RAB6A: variants seen among roughly 807,000 people sequenced by gnomAD.
The protein encoded by RAB6A is RAB6A, member RAS oncogene family, also known as ras-related protein Rab-6A.
Under a neutral mutation model 32.3 loss-of-function variants are expected in RAB6A, and 8 were observed. That is an observed-to-expected ratio of 0.25 (90% CI 0.15 to 0.45). The LOEUF (loss-of-function observed/expected upper bound fraction) is 0.45. RAB6A is among the 20% of genes least tolerant of loss of function. The pLI, the probability that RAB6A is intolerant of heterozygous loss-of-function variation, is 1.00. For synonymous variants in RAB6A, 73 were observed against 82.1 expected (o/e 0.89, Z 0.60); for missense variants, 104 against 249.4 (o/e 0.42, Z 3.93).
chr11:73,744,511 CAAAAAAAAAAAAAAAAAAA>C lies in RAB6A; in HGVS notation c.71-13707_71-13689del, dbSNP rs555388622. On this transcript the variant is annotated intron_variant, in intron 1 of 7. Coordinates refer to ENST00000336083, the MANE Select transcript of RAB6A (RefSeq NM_198896.2). ...GGGCAACAGAGTGAGACCCTGTCTCCAAAAAAAAAAAAAAAAAAAAAAAAAAAAAAAAAAAAGAATTTTA... is the reference window on the plus strand; with the variant it reads ...GGGCAACAGAGTGAGACCCTGTCTCCAAAAAAAAAAAAAAAAAGAATTTTA... Among the ~76,000 whole-genome samples the C allele has an allele frequency of 9.7e-4, 62 of 63,746 alleles. 1 individual carries two copies. The highest frequency in any genetic ancestry group is 1.4e-3 in the African/African-American group (19 of 13,732). The allele number at this position is 63,746 out of a possible 152,430, so 41.8% of individuals were successfully genotyped here.
At chr11:73,746,274 C>G (rs1338873202) in intron 1 of RAB6A, among the ~76,000 whole-genome samples, 1 of 152,008 alleles carries the variant, frequency 6.6e-6, no homozygotes, top group Non-Finnish European at 1.5e-5. Flanking sequence ...ATCAATTTTT[C>G]TCATTCAAGC....
intron 1 of RAB6A, among the ~76,000 whole-genome samples, chr11:73,758,700 T>G (rs1013925913): frequency 6.6e-5 from 10 of 152,220 alleles, no homozygotes; most frequent in African/African-American, 2.4e-4. Context: ...GGAAGATGAA[T>G]AGGTTTTTTC....
chr11:73,722,307 A>ATGTGTGTGTGTG (rs1231102849), intron 2 of RAB6A: 2,417 of 62,336 alleles, frequency 0.039, 149 homozygotes, highest in Non-Finnish European at 0.061. Flanking sequence ...GTGTGTGTGT[A>ATGTGTGTGTGTG]TATATATATA....
At position 73,677,348 on chromosome 11, in the gene RAB6A, C is replaced by A; in HGVS notation, c.*550G>T. 1 of 171,176 alleles carries A rather than the reference C, an allele frequency of 5.8e-6. No homozygotes were observed. The highest frequency in any genetic ancestry group is 1.4e-5 in the Non-Finnish European group (1 of 70,972). The allele number at this position is 171,176 out of a possible 1,614,324, so 10.6% of individuals were successfully genotyped here. ...AGTGCTCAAGAATAATTTTGGACAT[C>A]TTGGTCCGTAGCCTACAGCAAGTGG... On this transcript the variant is annotated 3_prime_UTR_variant, in exon 8 of 8. Coordinates refer to ENST00000336083, the MANE Select transcript of RAB6A (RefSeq NM_198896.2).
At chr11:73,745,480 A>G (rs1946573337) in intron 1 of RAB6A, among the ~76,000 whole-genome samples, 1 of 152,184 alleles carries the variant, frequency 6.6e-6, no homozygotes, top group Admixed American at 6.6e-5. Context: ...TGCAGTGACT[A>G]ACGCCTATAA....
chr11:73,680,786 T>C (rs911434321), intron 6 of RAB6A, among the ~76,000 whole-genome samples: 1 of 152,148 alleles, frequency 6.6e-6, no homozygotes, highest in Non-Finnish European at 1.5e-5. Context: ...ACCCCTCAAG[T>C]CCAACACAGC....
rs10688172 is a variant in RAB6A, at chr11:73,720,180, C to CT, written c.183+665dup. 8.3e-3 allele frequency among the ~76,000 whole-genome samples: 1,083 copies of CT among 130,686 alleles called. 28 individuals are homozygous for CT. Among genetic ancestry groups the CT allele is most frequent in the African/African-American group, 0.023 (827 of 35,554 alleles). The allele number at this position is 130,686 out of a possible 152,430, so 85.7% of individuals were successfully genotyped here. ...AAATCCAACAAATAAATACACATTA[C>CT]TTTTTTTTTTTTTTTTTGCAACGGA... is the stretch of plus-strand genomic sequence containing the variant. On this transcript the variant is annotated intron_variant, in intron 3 of 7. Transcript: ENST00000336083.
At position 73,717,316 on chromosome 11, in the gene RAB6A, A is replaced by AT. The variant is rs933466003; in HGVS notation, c.290-955dup. ...TGAATAGTTCCTTTGTCTATTTAAG[A>AT]TTTTTTTTAGCCCAAGATACTACAT... is the stretch of plus-strand genomic sequence containing the variant. On this transcript the variant is annotated intron_variant, in intron 4 of 7. Coordinates refer to ENST00000336083, the MANE Select transcript of RAB6A (RefSeq NM_198896.2). Among the ~76,000 whole-genome samples the AT allele has an allele frequency of 1.3e-4, 20 of 152,096 alleles. No individual in the cohort carries two copies. In the East Asian group the frequency reaches 1.3e-3, roughly 10 times the overall value.
intron 6 of RAB6A, among the ~76,000 whole-genome samples, chr11:73,683,432 T>C: frequency 6.6e-6 from 1 of 151,644 alleles, no homozygotes; most frequent in East Asian, 1.9e-4. Flanking sequence ...ATTTTTGTAT[T>C]TTTTTTGTAG....
At chr11:73,746,742 C>A (rs374806352) in intron 1 of RAB6A, among the ~76,000 whole-genome samples, 1 of 148,422 alleles carries the variant, frequency 6.7e-6, no homozygotes, top group African/African-American at 2.5e-5. Flanking sequence ...ACCAGGGAGA[C>A]GTAGCAAAAC....
chr11:73,710,345 T>A (rs1590850483), intron 5 of RAB6A, among the ~76,000 whole-genome samples: 1 of 151,810 alleles, frequency 6.6e-6, no homozygotes, highest in Non-Finnish European at 1.5e-5. Flanking sequence ...ATGCCAGTTC[T>A]CAATCATTAA....
intron 6 of RAB6A, among the ~76,000 whole-genome samples, chr11:73,686,741 C>T (rs56180566): frequency 0.016 from 2,385 of 152,164 alleles, 70 homozygotes; most frequent in African/African-American, 0.055. Context: ...GTGAAAAGTA[C>T]ATAACTAACA....
rs115584266 is a variant in RAB6A at position 73,718,369 on chromosome 11, T to C, written c.289+244A>G. Among the ~76,000 whole-genome samples the C allele has an allele frequency of 5.3e-3, 812 of 152,246 alleles. 7 individuals are homozygous for C. Among genetic ancestry groups the C allele is most frequent in the African/African-American group, 0.018 (737 of 41,542 alleles). On this transcript the variant is annotated intron_variant, in intron 4 of 7. Coordinates refer to ENST00000336083, the MANE Select transcript of RAB6A (RefSeq NM_198896.2). ...CGAATAACAGGATACTAAGAAACCCTTGAAGAGGATTCATAGTTGGACCCA... is the reference window on the plus strand; with the variant it reads ...CGAATAACAGGATACTAAGAAACCCCTGAAGAGGATTCATAGTTGGACCCA...
intron 2 of RAB6A, chr11:73,730,143 T>C (rs1209366212): frequency 1.3e-5 from 2 of 152,296 alleles, no homozygotes; most frequent in African/African-American, 4.8e-5. Context: ...AATTTTAAAA[T>C]AGCTTCTTCC....
chr11:73,682,385 C>T (rs1309312191), intron 6 of RAB6A, among the ~76,000 whole-genome samples: 5 of 152,200 alleles, frequency 3.3e-5, no homozygotes, highest in East Asian at 3.9e-4. Context: ...ATAAGTAGGC[C>T]GAGCATGGTG....
intron 6 of RAB6A, among the ~76,000 whole-genome samples, chr11:73,698,676 G>T (rs2134899853): frequency 6.6e-6 from 1 of 152,022 alleles, no homozygotes; most frequent in South Asian, 2.1e-4. Flanking sequence ...TAAAGTGCTT[G>T]CTAGGAAGGC....
intron 6 of RAB6A, among the ~76,000 whole-genome samples, chr11:73,685,885 CA>C (rs56270679): frequency 0.011 from 1,135 of 102,784 alleles, 9 homozygotes; most frequent in African/African-American, 0.047. Flanking sequence ...AACTCCGTCT[CA>C]AAAAAAAAAA....
chr11:73,727,505 T>C (rs975855502), intron 2 of RAB6A, among the ~76,000 whole-genome samples: 46 of 152,128 alleles, frequency 3.0e-4, no homozygotes, highest in South Asian at 6.2e-4. Flanking sequence ...ATTCTCACTT[T>C]ACAGATGTGA....
chr11:73,707,788 T>C (rs939936878), intron 5 of RAB6A, among the ~76,000 whole-genome samples: 3 of 152,114 alleles, frequency 2.0e-5, no homozygotes, highest in Admixed American at 1.3e-4. Context: ...CTTAATAGCT[T>C]GAGGATGCTC....
Sources: allele counts gnomAD v4.1 joint callset (sites outside exome capture counted in the v4.1 genomes callset), GRCh38; gene constraint gnomAD v4.1.1; transcripts MANE v1.5; gene names NCBI Gene and HGNC (gene_info 2026-07-23, HGNC 2026-07-21).